Variants in ZNF385D observed in about 807,000 individuals in gnomAD.
The protein encoded by ZNF385D is zinc finger protein 385D, also known as zinc finger protein 659.
In ZNF385D, 15 loss-of-function variants were observed where a neutral mutation model predicts 35.8. The ratio of observed to expected loss-of-function variants is 0.42; its 90% CI spans 0.28 to 0.64. The LOEUF (loss-of-function observed/expected upper bound fraction) is 0.64. Ranked by LOEUF, ZNF385D falls within the 30% of genes least tolerant of loss-of-function variation. The probability of loss-of-function intolerance (pLI) is 0.23; values close to 1 mark genes in which losing one functional copy is unlikely to be tolerated. For synonymous variants in ZNF385D, 212 were observed against 186.8 expected, an observed-to-expected ratio of 1.13 and a Z score of -1.10; for missense variants, 474 against 494.6, an observed-to-expected ratio of 0.96 and a Z score of 0.39.
At chr3:22,134,639 T>C (rs1342370769) in intron 3 of ZNF385D, among the ~76,000 whole-genome samples, 2 of 152,182 alleles carry the variant, frequency 1.3e-5, no homozygotes, top group African/African-American at 4.8e-5. Context: ...TTAGTTCATT[T>C]TGTGCTACTA....
At chr3:21,902,386 A>G (rs1699456102) in intron 3 of ZNF385D, among the ~76,000 whole-genome samples, 1 of 152,156 alleles carries the variant, frequency 6.6e-6, no homozygotes, top group African/African-American at 2.4e-5. Flanking sequence ...TTTTACAGAA[A>G]CAAAAATAGA....
chr3:21,667,444 G>T (rs566397109), intron 1 of ZNF385D, among the ~76,000 whole-genome samples: 1 of 152,254 alleles, frequency 6.6e-6, no homozygotes, highest in South Asian at 2.1e-4. Flanking sequence ...TTACAGGTGT[G>T]AGCCACCATG....
chr3:21,915,977 C>T (rs1700176718), intron 3 of ZNF385D, among the ~76,000 whole-genome samples: 1 of 152,076 alleles, frequency 6.6e-6, no homozygotes, highest in Admixed American at 6.6e-5. Context: ...CATCAAATTC[C>T]AGTGTAAAAG....
intron 3 of ZNF385D, among the ~76,000 whole-genome samples, chr3:21,909,366 T>G: frequency 6.6e-6 from 1 of 152,060 alleles, no homozygotes; most frequent in East Asian, 1.9e-4. Flanking sequence ...AATTTGGCAA[T>G]GTTTCATTTT....
At chr3:21,740,636 A>G (rs1016019438) in intron 1 of ZNF385D, among the ~76,000 whole-genome samples, 1 of 152,170 alleles carries the variant, frequency 6.6e-6, no homozygotes, top group Non-Finnish European at 1.5e-5. Flanking sequence ...ACGTCATGCC[A>G]TACACTGATT....
chr3:21,870,577 A>G (rs1697635772), intron 3 of ZNF385D, among the ~76,000 whole-genome samples: 1 of 152,196 alleles, frequency 6.6e-6, no homozygotes, highest in Non-Finnish European at 1.5e-5. Context: ...TTTATGATCA[A>G]TAAATGTCTT....
chr3:21,892,835 T>C (rs1220572012), intron 3 of ZNF385D, among the ~76,000 whole-genome samples: 3 of 152,274 alleles, frequency 2.0e-5, no homozygotes, highest in South Asian at 2.1e-4. Context: ...AAACCATGCA[T>C]TGTGGATTGT....
chr3:21,911,662 A>G (rs528376363), intron 3 of ZNF385D, among the ~76,000 whole-genome samples: 1 of 150,796 alleles, frequency 6.6e-6, no homozygotes, highest in Admixed American at 6.6e-5. Context: ...TGCAGAAGGC[A>G]TACATTTTTT....
intron 2 of ZNF385D, among the ~76,000 whole-genome samples, chr3:22,267,093 A>G (rs1700933225): frequency 6.6e-6 from 1 of 151,958 alleles, no homozygotes; most frequent in Non-Finnish European, 1.5e-5. Flanking sequence ...AATTTACCTA[A>G]TCAATTGCTT....
chr3:21,707,297 C>G (rs17009349), intron 1 of ZNF385D, among the ~76,000 whole-genome samples: 2,313 of 152,216 alleles, frequency 0.015, 54 homozygotes, highest in African/African-American at 0.052. Flanking sequence ...GCTTGATTTA[C>G]TATAAATTGT....
chr3:22,003,619 C>G (rs117882354), intron 3 of ZNF385D, among the ~76,000 whole-genome samples: 1 of 152,108 alleles, frequency 6.6e-6, no homozygotes, highest in East Asian at 1.9e-4. Flanking sequence ...GTAATGTCAG[C>G]ACTTTTGGAG....
At chr3:22,182,836 AT>A (rs1695371831) in intron 2 of ZNF385D, among the ~76,000 whole-genome samples, 1 of 152,146 alleles carries the variant, frequency 6.6e-6, no homozygotes, top group Admixed American at 6.6e-5. Context: ...ATAATTATAC[AT>A]ATACAATAGA....
chr3:21,768,802 C>T (rs973877873), intron 3 of ZNF385D, among the ~76,000 whole-genome samples: 5 of 151,852 alleles, frequency 3.3e-5, no homozygotes, highest in African/African-American at 1.2e-4. Flanking sequence ...CAGCTGGGGA[C>T]GAACGCCCCA....
intron 3 of ZNF385D, among the ~76,000 whole-genome samples, chr3:22,125,818 A>T (rs991841549): frequency 6.6e-6 from 1 of 152,012 alleles, no homozygotes; most frequent in Admixed American, 6.6e-5. Flanking sequence ...TTTTTGGTGA[A>T]GTCTTTAGGT....
intron 3 of ZNF385D, among the ~76,000 whole-genome samples, chr3:21,929,331 C>T (rs1263475805): frequency 1.3e-5 from 2 of 151,922 alleles, no homozygotes; most frequent in Non-Finnish European, 2.9e-5. Context: ...TAATAAAGGG[C>T]ATCTATAAAA....
chr3:22,065,252 A>G lies in ZNF385D; in HGVS notation c.325+103565T>C, dbSNP rs577607324. ...GGCAGATTTGCCAAAAGAAGCACTG[A>G]TAGAGAATGAGGACTTTTAAGAAAG... On this transcript the variant is annotated intron_variant, in intron 3 of 5. Coordinates refer to the ZNF385D transcript ENST00000494108. Among the ~76,000 whole-genome samples, 4 of 152,348 alleles carry G rather than the reference A, an allele frequency of 2.6e-5. No homozygotes were observed. In the South Asian group the frequency reaches 8.3e-4, roughly 32 times the overall value.
chr3:22,308,218 C>G (rs118130433), intron 2 of ZNF385D, among the ~76,000 whole-genome samples: 2,206 of 152,150 alleles, frequency 0.014, 50 homozygotes, highest in South Asian at 0.09. Flanking sequence ...AAATAGTTTA[C>G]TCTAAGTTGC....
At chr3:21,597,122 G>C (rs780702205) in intron 2 of ZNF385D, among the ~76,000 whole-genome samples, 35 of 151,822 alleles carry the variant, frequency 2.3e-4, no homozygotes, top group Admixed American at 1.3e-4. Context: ...ATCTAAATAG[G>C]GTTTGTTTTA....
At chr3:22,022,882 T>G (rs1201663961) in intron 3 of ZNF385D, among the ~76,000 whole-genome samples, 2 of 152,158 alleles carry the variant, frequency 1.3e-5, no homozygotes, top group Non-Finnish European at 2.9e-5. Flanking sequence ...TTTGGCTTGT[T>G]TCTTTGTATA....
Sources: gnomAD v4.1 joint callset for allele counts (sites outside exome capture counted in the v4.1 genomes callset) on GRCh38, gnomAD v4.1.1 for gene constraint, MANE v1.5 for transcripts, NCBI Gene and HGNC (gene_info 2026-07-23, HGNC 2026-07-21) for gene names.